The following DTL variants were observed in gnomAD, a reference collection of about 807,000 sequenced individuals.
DTL encodes the protein denticleless E3 ubiquitin protein ligase adapter.
DTL carries 46 observed loss-of-function variants against 87.0 expected under a neutral mutation model. The ratio of observed to expected loss-of-function variants is 0.53; its 90% confidence interval spans 0.42 to 0.68. The LOEUF (loss-of-function observed/expected upper bound fraction) is 0.68, where lower values mean the gene tolerates loss of function less well. DTL is among the 30% of genes least tolerant of loss of function. DTL has a pLI of 0.00. For synonymous variants in DTL, 308 were observed against 311.2 expected (o/e 0.99, Z 0.11); for missense variants, 737 against 869.4 (o/e 0.85, Z 1.91).
intron 6 of DTL, among the ~76,000 whole-genome samples, chr1:212,063,694 T>TA (rs1654404483): frequency 6.6e-6 from 1 of 152,304 alleles, no homozygotes; most frequent in African/African-American, 2.4e-5. Context: ...GTTAATTTAT[T>TA]AAAATTTTTT....
chr1:212,101,669 C>T (rs73091209), intron 14 of DTL, among the ~76,000 whole-genome samples: 5,197 of 152,252 alleles, frequency 0.034, 299 homozygotes, highest in African/African-American at 0.12. Flanking sequence ...TTTTGCCACA[C>T]CACAGTAATA....
chr1:212,045,378 T>C (rs183775722), intron 3 of DTL, among the ~76,000 whole-genome samples: 275 of 152,360 alleles, frequency 1.8e-3, no homozygotes, highest in Non-Finnish European at 2.7e-3. Flanking sequence ...AAATACTTTT[T>C]AGGATTAAAA....
intron 10 of DTL, among the ~76,000 whole-genome samples, chr1:212,069,985 GAGC>G (rs1654624048): frequency 6.6e-6 from 1 of 152,176 alleles, no homozygotes; most frequent in South Asian, 2.1e-4. Flanking sequence ...CTCTAAACAG[GAGC>G]AATAGTATTT....
chr1:212,047,550 T>C, intron 5 of DTL, 133 bp downstream of exon 5: 1 of 1,260,822 alleles, frequency 7.9e-7, no homozygotes, highest in Non-Finnish European at 1.1e-6. Flanking sequence ...GATTCTTTTT[T>C]TGGAGACAGT....
At chr1:212,048,572 A>C (rs993977849) in intron 5 of DTL, among the ~76,000 whole-genome samples, 7 of 152,350 alleles carry the variant, frequency 4.6e-5, no homozygotes, top group Non-Finnish European at 8.8e-5. Flanking sequence ...ATGGACAAGG[A>C]AGATTTAAGA....
chr1:212,069,691 G>T lies in DTL; in HGVS notation c.922+988G>T, dbSNP rs541318527. On this transcript the variant is annotated intron_variant, in intron 10 of 14. Transcript: ENST00000366991. ...CTCCCAAGTAGCTGGGATTACAGGC[G>T]CCCGCCACCATGCCTGGCTAATTTT... Among the ~76,000 whole-genome samples the T allele has an allele frequency of 4.6e-5, 7 of 151,994 alleles. No individual in the cohort carries two copies. The South Asian group carries it at 1.5e-3, about 32-fold the overall frequency.
chr1:212,076,162 G>A (rs1054754982), intron 11 of DTL, among the ~76,000 whole-genome samples: 6 of 152,138 alleles, frequency 3.9e-5, no homozygotes, highest in African/African-American at 1.4e-4. Context: ...TAAAGCTGCT[G>A]TGAACATTTG....
At position 212,066,886 on chromosome 1, in the gene DTL, G is replaced by T; in HGVS notation, c.713+1G>T. 1 of 1,612,222 alleles carries T rather than the reference G, an allele frequency of 6.2e-7. No homozygotes were observed. The highest frequency in any genetic ancestry group is 8.5e-7 in the Non-Finnish European group (1 of 1,178,442). ...TAGTCTCAGCAGGAGCTGTGGATGG[G>T]TAAGAGTCTATTTCTTTTTTCTTCC... On this transcript the variant is annotated splice_donor_variant, in intron 8 of 14. Coordinates refer to ENST00000366991, the MANE Select transcript of DTL (RefSeq NM_016448.4). LOFTEE classifies it high-confidence loss of function.
intron 11 of DTL, among the ~76,000 whole-genome samples, chr1:212,074,875 A>G (rs568007116): frequency 2.6e-5 from 4 of 152,336 alleles, no homozygotes; most frequent in South Asian, 2.1e-4. Context: ...ACTACTGCCC[A>G]GCAAAGAGGA....
intron 13 of DTL, chr1:212,099,647 C>T (rs1011547973): frequency 2.6e-5 from 4 of 152,422 alleles, no homozygotes; most frequent in African/African-American, 9.7e-5. Context: ...AATGGTTGTC[C>T]TCTTCGACCA....
chr1:212,076,186 G>C (rs890271219), intron 11 of DTL, among the ~76,000 whole-genome samples: 1 of 152,088 alleles, frequency 6.6e-6, no homozygotes, highest in Non-Finnish European at 1.5e-5. Flanking sequence ...ATAAGTTCTT[G>C]TTTAACATAG....
chr1:212,049,788 G>T (rs927391193), intron 5 of DTL, among the ~76,000 whole-genome samples: 11 of 151,940 alleles, frequency 7.2e-5, no homozygotes, highest in Non-Finnish European at 1.0e-4. Flanking sequence ...TAACCTCCTT[G>T]GGCCTTCATT....
chr1:212,063,277 TTTTTA>T (rs1654389747), intron 6 of DTL, among the ~76,000 whole-genome samples: 1 of 151,292 alleles, frequency 6.6e-6, no homozygotes, highest in African/African-American at 2.4e-5. Context: ...TTAAGAATTT[TTTTTA>T]TTTTATTATT....
At chr1:212,038,301 TCCTGTA>T (rs1571934679) in intron 1 of DTL, among the ~76,000 whole-genome samples, 1 of 152,218 alleles carries the variant, frequency 6.6e-6, no homozygotes, top group East Asian at 1.9e-4. Context: ...TTGGAAGACT[TCCTGTA>T]CCTGAGATTC....
chr1:212,063,039 AC>A, intron 6 of DTL, 90 bp downstream of exon 6: 1 of 950,722 alleles, frequency 1.1e-6, no homozygotes, highest in Non-Finnish European at 1.7e-6. Context: ...TCTGATTACC[AC>A]CAGGGGGCAT....
chr1:212,101,040 A>T lies in DTL; in HGVS notation c.2050A>T (p.Thr684Ser). ...ATCTCCACGAAGTCCGTCATCCCAG[A>T]CACCCAATTCCAGGAGACAGAGCGG... The part of the protein sequence containing the change: ...NPSPRSPSSQ[T>S]PNSRRQSGKK... Residue 684 changes from threonine to serine, a missense_variant, in exon 14 of 15, where the codon ACA (threonine) becomes TCA (serine). Physicochemically the swap from Thr to Ser is moderately conservative, Grantham distance 58. Transcript: ENST00000366991. The T allele has an allele frequency of 6.2e-7, 1 of 1,613,496 alleles. No homozygotes were observed.
intron 5 of DTL, among the ~76,000 whole-genome samples, chr1:212,050,054 C>T (rs557175375): frequency 3.9e-5 from 6 of 151,910 alleles, no homozygotes; most frequent in East Asian, 3.9e-4. Context: ...ACCTATAGTC[C>T]GAGCTACTTG....
chr1:212,078,752 G>A (rs1321287102), intron 12 of DTL, among the ~76,000 whole-genome samples: 1 of 152,114 alleles, frequency 6.6e-6, no homozygotes, highest in Non-Finnish European at 1.5e-5. Context: ...AAATGTTTTA[G>A]ATACTCCAGA....
chr1:212,061,346 T>C (rs1010131257), intron 5 of DTL, among the ~76,000 whole-genome samples: 1 of 152,114 alleles, frequency 6.6e-6, no homozygotes, highest in African/African-American at 2.4e-5. Context: ...TCAACATGAC[T>C]AATAACCACA....
Sources: allele counts gnomAD v4.1 joint callset (sites outside exome capture counted in the v4.1 genomes callset), GRCh38; gene constraint gnomAD v4.1.1; transcripts MANE v1.5; gene names NCBI Gene and HGNC (gene_info 2026-07-23, HGNC 2026-07-21).